Variants in DPP4 observed in about 807,000 individuals in gnomAD.
The protein encoded by DPP4 is dipeptidyl peptidase 4, also known as ADCP-2.
In DPP4, 93 loss-of-function variants were observed where a neutral mutation model predicts 122.4. The observed-to-expected ratio is 0.76, with a 90% CI of 0.64 to 0.90. The LOEUF is 0.90. Among genes scored for constraint, DPP4 ranks in the 40% least tolerant of loss-of-function variants. DPP4 has a pLI of 0.00. For missense variants in DPP4, 914 were observed against 907.3 expected (o/e 1.01, Z -0.09); for synonymous variants, 321 against 302.9 (o/e 1.06, Z -0.62).
intron 2 of DPP4, among the ~76,000 whole-genome samples, chr2:162,068,976 G>A (rs2106161008): frequency 6.6e-6 from 1 of 152,282 alleles, no homozygotes; most frequent in South Asian, 2.1e-4. Context: ...TTCAGCCCCA[G>A]TCAGGCTTTC....
intron 10 of DPP4, among the ~76,000 whole-genome samples, chr2:162,028,554 G>C (rs1683428988): frequency 6.6e-6 from 1 of 152,154 alleles, no homozygotes; most frequent in Non-Finnish European, 1.5e-5. Context: ...GTAGAAGAGG[G>C]ACCACCCCTG....
intron 5 of DPP4, among the ~76,000 whole-genome samples, chr2:162,042,221 T>A (rs540221297): frequency 2.9e-4 from 44 of 152,354 alleles, no homozygotes; most frequent in African/African-American, 1.0e-3. Context: ...ATGAGGATAA[T>A]GCCGGCAACA....
chr2:162,019,969 G>A (rs1052679668), intron 14 of DPP4, among the ~76,000 whole-genome samples: 6 of 152,112 alleles, frequency 3.9e-5, no homozygotes, highest in South Asian at 2.1e-4. Flanking sequence ...GTTCCACAAC[G>A]TTCATGTAAA....
At chr2:162,010,972 C>T (rs912972903) in intron 20 of DPP4, among the ~76,000 whole-genome samples, 1 of 152,092 alleles carries the variant, frequency 6.6e-6, no homozygotes, top group African/African-American at 2.4e-5. Context: ...TCCCACATAC[C>T]AGTTGAATGT....
At chr2:162,016,450 G>C (rs1042321249) in intron 18 of DPP4, among the ~76,000 whole-genome samples, 2 of 152,146 alleles carry the variant, frequency 1.3e-5, no homozygotes, top group Non-Finnish European at 2.9e-5. Context: ...AAATATGCTA[G>C]GATGTCATTA....
At chr2:162,035,433 ATGAACC>A in intron 8 of DPP4, 109 bp from the exon 9 acceptor site, 1 of 965,312 alleles carries the variant, frequency 1.0e-6, no homozygotes, top group Non-Finnish European at 1.5e-6. Flanking sequence ...AGTTCAACTA[ATGAACC>A]ACTTTGCATT....
At chr2:162,029,766 G>C (rs1683476725) in intron 10 of DPP4, among the ~76,000 whole-genome samples, 1 of 151,988 alleles carries the variant, frequency 6.6e-6, no homozygotes, top group Non-Finnish European at 1.5e-5. Flanking sequence ...ATGTTGGGTG[G>C]GGTTACTACA....
chr2:162,071,511 G>T lies in DPP4; in HGVS notation c.94+1888C>A, dbSNP rs558191389. On this transcript the variant is annotated intron_variant, in intron 2 of 25. Transcript: ENST00000360534. ...CAAAAAATTATCCGGGCGTGGTGGT[G>T]TGTGCCTGTAGTCCCAGCTACTCGG... 1.3e-4 allele frequency among the ~76,000 whole-genome samples: 20 copies of T among 152,216 alleles called. 1 individual carries two copies. The South Asian group carries it at 4.1e-3, about 32-fold the overall frequency.
chr2:162,015,734 T>C (rs1232591918), intron 18 of DPP4, among the ~76,000 whole-genome samples: 1 of 152,164 alleles, frequency 6.6e-6, no homozygotes, highest in Non-Finnish European at 1.5e-5. Context: ...CGTCTACTAA[T>C]GTGGCTTCCG....
chr2:162,028,029 T>C (rs1683397156), intron 10 of DPP4, among the ~76,000 whole-genome samples: 1 of 149,272 alleles, frequency 6.7e-6, no homozygotes, highest in African/African-American at 2.5e-5. Context: ...GCCAAGATTA[T>C]GCCAGTCTGA....
At chr2:162,060,149 T>G (rs1339158643) in intron 2 of DPP4, among the ~76,000 whole-genome samples, 1 of 152,248 alleles carries the variant, frequency 6.6e-6, no homozygotes, top group East Asian at 1.9e-4. Flanking sequence ...TGATTGCATG[T>G]GGTAAATGCT....
Position 162,046,076 on chromosome 2 carries a change from T to A in DPP4, c.286-464A>T, listed in dbSNP as rs145594083. Among the ~76,000 whole-genome samples, 205 of 152,272 alleles carry A rather than the reference T, an allele frequency of 1.3e-3. 4 individuals carry two copies. The East Asian group carries it at 0.03, about 22-fold the overall frequency. ...GTGGAACTAGATCTATTTTTTTGCA[T>A]GTGGAAGTGATAGAATCATATCTAT... On this transcript the variant is annotated intron_variant, in intron 4 of 25. Transcript: ENST00000360534.
chr2:162,070,595 C>T (rs1246179288), intron 2 of DPP4, among the ~76,000 whole-genome samples: 2 of 151,340 alleles, frequency 1.3e-5, no homozygotes, highest in Non-Finnish European at 2.9e-5. Context: ...TTTCTCCCTA[C>T]TTCCTTCCTT....
chr2:162,037,617 C>T (rs561884933), intron 8 of DPP4, among the ~76,000 whole-genome samples: 1 of 152,278 alleles, frequency 6.6e-6, no homozygotes, highest in Admixed American at 6.5e-5. Flanking sequence ...CAGTTTGGAG[C>T]AGCCTCAAAA....
At chr2:162,024,399 T>C (rs1323774390) in intron 11 of DPP4, among the ~76,000 whole-genome samples, 1 of 152,214 alleles carries the variant, frequency 6.6e-6, no homozygotes, top group African/African-American at 2.4e-5. Flanking sequence ...TGTGGCCTCA[T>C]GTATTTGTTT....
intron 10 of DPP4, among the ~76,000 whole-genome samples, chr2:162,027,109 A>C (rs1471551665): frequency 6.6e-6 from 1 of 152,092 alleles, no homozygotes; most frequent in Admixed American, 6.5e-5. Flanking sequence ...AACCACTTAA[A>C]AATGTAAAAC....
chr2:162,009,154 C>CA (rs1233567885), intron 21 of DPP4, 87 bp downstream of exon 21: 9 of 1,380,016 alleles, frequency 6.5e-6, no homozygotes, highest in Admixed American at 1.7e-5. Context: ...TTTTCACCTC[C>CA]AAATATGTAT....
intron 5 of DPP4, among the ~76,000 whole-genome samples, chr2:162,040,847 A>T (rs1683959108): frequency 6.6e-6 from 1 of 151,952 alleles, no homozygotes; most frequent in Non-Finnish European, 1.5e-5. Flanking sequence ...TGGGGGAGGG[A>T]GGATAAGGGA....
At chr2:162,060,269 C>T (rs1684716679) in intron 2 of DPP4, among the ~76,000 whole-genome samples, 1 of 152,174 alleles carries the variant, frequency 6.6e-6, no homozygotes, top group Non-Finnish European at 1.5e-5. Context: ...ATCCTTAGGA[C>T]TTGGGTCAGT....
Sources: gnomAD v4.1 joint callset for allele counts (sites outside exome capture counted in the v4.1 genomes callset) on GRCh38, gnomAD v4.1.1 for gene constraint, MANE v1.5 for transcripts, NCBI Gene and HGNC (gene_info 2026-07-23, HGNC 2026-07-21) for gene names.